STXBP4: variants seen among roughly 807,000 people sequenced by gnomAD.
STXBP4 encodes syntaxin-binding protein 4.
Under a neutral mutation model 76.1 loss-of-function variants are expected in STXBP4, and 55 were observed. The ratio of observed to expected loss-of-function variants is 0.72; its 90% confidence interval spans 0.58 to 0.91. The LOEUF is 0.91. Among genes scored for constraint, STXBP4 ranks in the 40% least tolerant of loss-of-function variants. The pLI is 0.00. For synonymous variants in STXBP4, 201 were observed against 220.2 expected (o/e 0.91, Z 0.77); for missense variants, 618 against 636.9 (o/e 0.97, Z 0.32).
chr17:54,992,214 G>T (rs1450761740), intron 4 of STXBP4, among the ~76,000 whole-genome samples: 1 of 151,886 alleles, frequency 6.6e-6, no homozygotes, highest in African/African-American at 2.4e-5. Flanking sequence ...AGGAGTTTGA[G>T]ACCAGCCTGG....
chr17:54,980,946 G>T (rs569637016), intron 1 of STXBP4, among the ~76,000 whole-genome samples: 378 of 143,948 alleles, frequency 2.6e-3, no homozygotes, highest in Non-Finnish European at 4.4e-3. Context: ...TTTTTTTTTT[G>T]TTGTTGTTGA....
intron 16 of STXBP4, among the ~76,000 whole-genome samples, chr17:55,127,326 A>G (rs1447010759): frequency 1.3e-5 from 2 of 152,224 alleles, no homozygotes; most frequent in Admixed American, 1.3e-4. Context: ...TTGTTATGCC[A>G]CAGTTTATCC....
Position 55,043,237 on chromosome 17 carries a change from T to C in STXBP4, c.857T>C (p.Leu286Pro). Residue 286 changes from leucine (L) to proline (P), a missense_variant and splice_region_variant, in exon 11 of 18, where the codon CTT (leucine) becomes CCT (proline). By Grantham distance (98) the Leu-to-Pro change is moderately conservative. Coordinates refer to ENST00000376352, the MANE Select transcript of STXBP4 (RefSeq NM_178509.6). The stretch of plus-strand genomic sequence containing the variant: ...TCTCTTATATTTTAATGTTGATAGC[T>C]TCTTCCTTGTGATTCTTCAGAAGCA... ...HEISNILDSQ[L>P]LPCDSSEADE... 2.0e-6 allele frequency: 3 copies of C among 1,489,386 alleles called. No individual in the cohort carries two copies. The highest frequency in any genetic ancestry group is 2.7e-6 in the Non-Finnish European group (3 of 1,117,796). The allele number at this position is 1,489,386 out of a possible 1,614,324, so 92.3% of individuals were successfully genotyped here. A position where few individuals can be genotyped will look rare whatever the true frequency, so the allele number is the denominator to read the frequency against.
intron 10 of STXBP4, among the ~76,000 whole-genome samples, chr17:55,035,187 G>A (rs909211326): frequency 6.6e-5 from 10 of 151,394 alleles, no homozygotes; most frequent in African/African-American, 2.2e-4. Flanking sequence ...CCTTAAAATC[G>A]ACTTAGTCTC....
Position 54,998,417 on chromosome 17 carries a change from A to G in STXBP4, c.181-928A>G, listed in dbSNP as rs575158781. On this transcript the variant is annotated intron_variant, in intron 4 of 17. Coordinates refer to ENST00000376352, the MANE Select transcript of STXBP4 (RefSeq NM_178509.6). Reference sequence around the variant, plus strand: ...AGAAGAAAGCTTATTTTTATTTTCTAGTTTGAATGAAAAGAAAAGACAAAA... The same window carrying G: ...AGAAGAAAGCTTATTTTTATTTTCTGGTTTGAATGAAAAGAAAAGACAAAA... Among the ~76,000 whole-genome samples the G allele has an allele frequency of 1.0e-3, 154 of 152,342 alleles. 1 individual carries two copies. Among genetic ancestry groups the G allele is most frequent in the Non-Finnish European group, 1.6e-3 (111 of 68,020 alleles).
chr17:55,046,640 A>T (rs979465890), intron 11 of STXBP4, among the ~76,000 whole-genome samples: 1 of 151,936 alleles, frequency 6.6e-6, no homozygotes, highest in African/African-American at 2.4e-5. Context: ...ATGCCTTTTC[A>T]TGGATAATCT....
rs535830613 is a variant in STXBP4 at position 54,999,141 on chromosome 17, A to G, written c.181-204A>G. Among the ~76,000 whole-genome samples, 28 of 152,276 alleles carry G rather than the reference A, an allele frequency of 1.8e-4. 1 individual carries two copies. The highest frequency in any genetic ancestry group is 5.8e-4 in the African/African-American group (24 of 41,566). ...CCACGTAAATTTATTCATGCAATAC[A>G]TGAACCATTCCATTTTACTCATAAT... On this transcript the variant is annotated intron_variant, in intron 4 of 17. Coordinates refer to ENST00000376352, the MANE Select transcript of STXBP4 (RefSeq NM_178509.6).
intron 12 of STXBP4, among the ~76,000 whole-genome samples, chr17:55,070,718 C>CT (rs1340427028): frequency 6.6e-6 from 1 of 151,974 alleles, no homozygotes; most frequent in Non-Finnish European, 1.5e-5. Context: ...TTTCCACGAC[C>CT]TTTTTTTATC....
rs1344298370 is a variant in STXBP4, at chr17:55,102,227, T to TC, written c.1489+21045dup. On this transcript the variant is annotated intron_variant, in intron 16 of 17. Transcript: ENST00000376352. ...ATGCCATGGTGGTTTGCTGCAGCCA[T>TC]CAACCCGTTATCTACATTAGGTATT... 2.6e-5 allele frequency among the ~76,000 whole-genome samples: 4 copies of TC among 152,174 alleles called. No individual in the cohort carries two copies. In the East Asian group the frequency reaches 7.7e-4, roughly 29 times the overall value.
chr17:55,156,902 G>A (rs982377937), intron 17 of STXBP4, among the ~76,000 whole-genome samples: 1 of 152,170 alleles, frequency 6.6e-6, no homozygotes, highest in Admixed American at 6.5e-5. Context: ...CCATCTGGTA[G>A]AACTTTCTGA....
chr17:55,159,399 G>A (rs1244442015), intron 17 of STXBP4, among the ~76,000 whole-genome samples: 1 of 152,202 alleles, frequency 6.6e-6, no homozygotes, highest in African/African-American at 2.4e-5. Context: ...AGTAGAGAAT[G>A]AATTAGAAAA....
chr17:55,031,296 C>A (rs1354222170), intron 9 of STXBP4, 32 bp downstream of exon 9: 15 of 1,475,804 alleles, frequency 1.0e-5, no homozygotes, highest in Non-Finnish European at 1.4e-5. Context: ...TGTATTATCA[C>A]TGAATCATCA....
chr17:54,993,164 T>C (rs1271882181), intron 4 of STXBP4, among the ~76,000 whole-genome samples: 23 of 152,240 alleles, frequency 1.5e-4, no homozygotes. Context: ...TCTTATGATA[T>C]CTACTTTTTC....
At position 55,170,631 on chromosome 17, in the gene STXBP4, A is replaced by G. The variant is rs1156251739; in HGVS notation, c.*10720A>G. The G allele has an allele frequency of 6.6e-6, 1 of 152,116 alleles. No homozygotes were observed. The highest frequency in any genetic ancestry group is 2.4e-5 in the African/African-American group (1 of 41,428). The allele number at this position is 152,116 out of a possible 1,614,324, so 9.4% of individuals were successfully genotyped here. A position where few individuals can be genotyped will look rare whatever the true frequency, so the allele number is the denominator to read the frequency against. ...TAGGATTATTTTGCTTTAGAATTCT[A>G]TGTATAATCCTGTGAAAATTTGTAG... On this transcript the variant is annotated 3_prime_UTR_variant, in exon 18 of 18. Coordinates refer to ENST00000376352, the MANE Select transcript of STXBP4 (RefSeq NM_178509.6).
At chr17:54,975,184 G>A (rs921292018) in intron 1 of STXBP4, among the ~76,000 whole-genome samples, 1 of 152,182 alleles carries the variant, frequency 6.6e-6, no homozygotes, top group Non-Finnish European at 1.5e-5. Flanking sequence ...TGTCACCCAG[G>A]CTGGAGTGCA....
chr17:55,021,717 C>T (rs2144628837), intron 8 of STXBP4, among the ~76,000 whole-genome samples: 1 of 152,102 alleles, frequency 6.6e-6, no homozygotes, highest in African/African-American at 2.4e-5. Context: ...TGGCAGGATT[C>T]CTCCAGGATC....
At position 55,014,590 on chromosome 17, in the gene STXBP4, T is replaced by C. The variant is rs146686375; in HGVS notation, c.666+6993T>C. 1.6e-3 allele frequency among the ~76,000 whole-genome samples: 236 copies of C among 151,984 alleles called. 2 individuals carry two copies. Among genetic ancestry groups the C allele is most frequent in the African/African-American group, 5.1e-3 (212 of 41,442 alleles). On this transcript the variant is annotated intron_variant, in intron 8 of 17. Transcript: ENST00000376352. ...CAGTTAACCTCCTGGCCCTTAATGG[T>C]CAAGCATACCCGGGGCTCTGTGAAG...
At chr17:55,012,788 A>G (rs569895110) in intron 8 of STXBP4, among the ~76,000 whole-genome samples, 2 of 152,220 alleles carry the variant, frequency 1.3e-5, no homozygotes, top group African/African-American at 4.8e-5. Flanking sequence ...TCCTTTTTCT[A>G]CAAAGGAACT....
chr17:55,010,747 G>A (rs751941877), intron 8 of STXBP4, among the ~76,000 whole-genome samples: 47 of 152,086 alleles, frequency 3.1e-4, no homozygotes, highest in Non-Finnish European at 4.1e-4. Flanking sequence ...GAGAGCAATG[G>A]CATACCCAAT....
Sources: allele counts gnomAD v4.1 joint callset (sites outside exome capture counted in the v4.1 genomes callset), GRCh38; gene constraint gnomAD v4.1.1; transcripts MANE v1.5; gene names NCBI Gene and HGNC (gene_info 2026-07-23, HGNC 2026-07-21).